The following TRPM3 variants were observed in gnomAD, a reference collection of about 807,000 sequenced individuals.
TRPM3 encodes the protein long transient receptor potential channel 3.
Under a neutral mutation model 181.2 loss-of-function variants are expected in TRPM3, and 77 were observed. The ratio of observed to expected loss-of-function variants is 0.42; its 90% CI spans 0.35 to 0.51. TRPM3 has a LOEUF of 0.51. Ranked by LOEUF, TRPM3 falls within the 20% of genes least tolerant of loss-of-function variation. The pLI is 0.01. For missense variants in TRPM3, 1,759 were observed against 2,196.7 expected, an observed-to-expected ratio of 0.80 and a Z score of 3.98; for synonymous variants, 745 against 796.4, an observed-to-expected ratio of 0.94 and a Z score of 1.09.
intron 22 of TRPM3, among the ~76,000 whole-genome samples, chr9:70,574,107 CACACT>C (rs1435619501): frequency 6.6e-6 from 1 of 151,986 alleles, no homozygotes; most frequent in Non-Finnish European, 1.5e-5. Flanking sequence ...CACACACACA[CACACT>C]ACTAACACCA....
At chr9:71,302,711 A>G (rs562997188) in intron 1 of TRPM3, among the ~76,000 whole-genome samples, 17 of 152,178 alleles carry the variant, frequency 1.1e-4, no homozygotes, top group African/African-American at 3.9e-4. Flanking sequence ...TAGGAGGCCC[A>G]ATGAGACAAA....
intron 1 of TRPM3, among the ~76,000 whole-genome samples, chr9:71,157,853 G>A (rs2076083885): frequency 6.6e-6 from 1 of 152,044 alleles, no homozygotes; most frequent in Non-Finnish European, 1.5e-5. Context: ...AGCTTAGGAA[G>A]AGAAGATATA....
intron 1 of TRPM3, among the ~76,000 whole-genome samples, chr9:71,275,761 TAGAG>T (rs1193338144): frequency 5.9e-5 from 9 of 151,860 alleles, no homozygotes; most frequent in Non-Finnish European, 8.8e-5. Context: ...TAGAACAAAA[TAGAG>T]AGCCCCAAAA....
At chr9:71,060,622 A>T (rs941704538) in intron 1 of TRPM3, among the ~76,000 whole-genome samples, 6 of 152,130 alleles carry the variant, frequency 3.9e-5, no homozygotes, top group African/African-American at 1.4e-4. Context: ...AGCATGGGCC[A>T]TGAGTTGTGG....
chr9:70,629,002 C>T (rs1408559748), intron 12 of TRPM3, among the ~76,000 whole-genome samples: 2 of 151,442 alleles, frequency 1.3e-5, no homozygotes, highest in African/African-American at 4.9e-5. Context: ...TGGGAGTTGT[C>T]AGGAAAGTGA....
intron 1 of TRPM3, among the ~76,000 whole-genome samples, chr9:71,380,069 T>C (rs2092762765): frequency 1.3e-5 from 2 of 152,074 alleles, no homozygotes; most frequent in Non-Finnish European, 2.9e-5. Flanking sequence ...TGTGTATGTA[T>C]AGTTTCAGGA....
At chr9:70,864,535 AAAAAAAG>A in intron 1 of TRPM3, 24 bp from the exon 2 acceptor site, 1 of 1,465,400 alleles carries the variant, frequency 6.8e-7, no homozygotes. Flanking sequence ...CAAAAAAAAA[AAAAAAAG>A]AAAAAAGAAA....
At chr9:70,578,494 T>A (rs2054669236) in intron 22 of TRPM3, among the ~76,000 whole-genome samples, 1 of 152,218 alleles carries the variant, frequency 6.6e-6, no homozygotes, top group African/African-American at 2.4e-5. Flanking sequence ...CCCAAGGGCA[T>A]GGGACAAGAT....
intron 1 of TRPM3, among the ~76,000 whole-genome samples, chr9:71,056,206 T>C (rs538480885): frequency 5.0e-4 from 76 of 152,158 alleles, no homozygotes; most frequent in Non-Finnish European, 7.2e-4. Context: ...AATATATTAA[T>C]ATTATATTCT....
chr9:71,318,868 TTGCATTGC>T (rs1369591851), intron 1 of TRPM3, among the ~76,000 whole-genome samples: 1 of 152,078 alleles, frequency 6.6e-6, no homozygotes, highest in Non-Finnish European at 1.5e-5. Context: ...TAACGAACAT[TTGCATTGC>T]CCCCTAAACT....
intron 1 of TRPM3, among the ~76,000 whole-genome samples, chr9:70,900,892 A>G (rs1424519471): frequency 1.3e-5 from 2 of 152,240 alleles, no homozygotes; most frequent in Non-Finnish European, 2.9e-5. Context: ...TTCCTTCTGG[A>G]TCAGAGACAC....
chr9:70,585,843 A>G (rs988393471), intron 22 of TRPM3, among the ~76,000 whole-genome samples: 5 of 152,064 alleles, frequency 3.3e-5, no homozygotes, highest in Admixed American at 2.6e-4. Context: ...TAAAACATAC[A>G]TCTTGATCAT....
At chr9:71,418,432 G>A (rs1482371667) in intron 1 of TRPM3, among the ~76,000 whole-genome samples, 1 of 151,780 alleles carries the variant, frequency 6.6e-6, no homozygotes, top group Non-Finnish European at 1.5e-5. Context: ...AGCAGAACTG[G>A]ACCTATGGCA....
intron 6 of TRPM3, among the ~76,000 whole-genome samples, chr9:70,817,736 C>T (rs1006036002): frequency 6.6e-6 from 1 of 152,248 alleles, no homozygotes; most frequent in African/African-American, 2.4e-5. Flanking sequence ...ATCTTCCTAT[C>T]TCTCTGTGCT....
At chr9:71,420,771 G>A (rs866053506) in intron 1 of TRPM3, among the ~76,000 whole-genome samples, 2 of 13,248 alleles carry the variant, frequency 1.5e-4, no homozygotes, top group East Asian at 1.7e-3. Context: ...GAGAGAAAGA[G>A]AGAGAAAGAG....
chr9:71,242,816 G>T (rs1243370038), intron 1 of TRPM3, among the ~76,000 whole-genome samples: 2 of 151,940 alleles, frequency 1.3e-5, no homozygotes, highest in Non-Finnish European at 2.9e-5. Context: ...GCTTTTAAAA[G>T]TGTGAATTAG....
intron 1 of TRPM3, among the ~76,000 whole-genome samples, chr9:71,160,768 G>T (rs1226500751): frequency 1.3e-5 from 2 of 152,082 alleles, no homozygotes; most frequent in African/African-American, 4.8e-5. Context: ...TATCCAAGAA[G>T]CTACAGTCTT....
At chr9:71,129,670 C>A (rs1212598479) in intron 1 of TRPM3, among the ~76,000 whole-genome samples, 1 of 152,140 alleles carries the variant, frequency 6.6e-6, no homozygotes, top group Admixed American at 6.6e-5. Context: ...CAATATGCTG[C>A]TGCCAATTAA....
chr9:70,761,558 T>C (rs2078147728), intron 8 of TRPM3, 43 bp downstream of exon 8: 1 of 1,613,662 alleles, frequency 6.2e-7, no homozygotes, highest in African/African-American at 1.3e-5. Flanking sequence ...AGAAAATGAC[T>C]GAAAATGTGG....
Sources: gnomAD v4.1 joint callset for allele counts (sites outside exome capture counted in the v4.1 genomes callset) on GRCh38, gnomAD v4.1.1 for gene constraint, MANE v1.5 for transcripts, NCBI Gene and HGNC (gene_info 2026-07-23, HGNC 2026-07-21) for gene names.